The following EXOC4 variants were observed in gnomAD, a reference collection of about 807,000 sequenced individuals.
EXOC4 encodes the protein SEC8-like 1.
EXOC4 carries 71 observed loss-of-function variants against 107.2 expected under a neutral mutation model. That is an observed-to-expected ratio of 0.66 (90% CI 0.55 to 0.81). The LOEUF is 0.81. Among genes scored for constraint, EXOC4 ranks in the 30% least tolerant of loss-of-function variants. The pLI is 0.00. For missense variants in EXOC4, 1,108 were observed against 1,189.6 expected (o/e 0.93, Z 1.01); for synonymous variants, 456 against 441.2 (o/e 1.03, Z -0.42).
intron 11 of EXOC4, among the ~76,000 whole-genome samples, chr7:133,869,066 T>C (rs181454767): frequency 1.3e-5 from 2 of 150,338 alleles, no homozygotes; most frequent in East Asian, 4.0e-4. Flanking sequence ...GCCTTTCTAG[T>C]TACCCTCCCT....
At chr7:133,849,739 C>G (rs1038772596) in intron 11 of EXOC4, among the ~76,000 whole-genome samples, 1 of 152,188 alleles carries the variant, frequency 6.6e-6, no homozygotes, top group African/African-American at 2.4e-5. Context: ...TGTTTGCTCA[C>G]CATTGTATCT....
At chr7:133,966,921 C>G (rs1801084241) in intron 14 of EXOC4, among the ~76,000 whole-genome samples, 1 of 152,014 alleles carries the variant, frequency 6.6e-6, no homozygotes, top group Admixed American at 6.5e-5. Context: ...CTTTTTGTAC[C>G]TCTGGTGGAA....
At chr7:133,328,312 T>C (rs563330314) in intron 5 of EXOC4, among the ~76,000 whole-genome samples, 1 of 152,264 alleles carries the variant, frequency 6.6e-6, no homozygotes, top group South Asian at 2.1e-4. Flanking sequence ...TATTTGAGCC[T>C]ATGTGTGTCT....
chr7:133,855,269 T>G (rs1281704485), intron 11 of EXOC4, among the ~76,000 whole-genome samples: 3 of 150,416 alleles, frequency 2.0e-5, no homozygotes, highest in African/African-American at 7.4e-5. Flanking sequence ...TCAGTCCTCC[T>G]GAACCAACCT....
the EXOC4 span, among the ~76,000 whole-genome samples, chr7:134,079,341 T>C: frequency 6.6e-6 from 1 of 152,206 alleles, no homozygotes; most frequent in African/African-American, 2.4e-5. Flanking sequence ...GAGTTCTGCA[T>C]GCATTCTGGG....
At chr7:133,486,620 A>T (rs1410795338) in intron 9 of EXOC4, among the ~76,000 whole-genome samples, 1 of 152,204 alleles carries the variant, frequency 6.6e-6, no homozygotes, top group Non-Finnish European at 1.5e-5. Flanking sequence ...TGCAGGGAAC[A>T]TGAAAAAAAG....
At chr7:133,487,028 A>C (rs2150869723) in intron 9 of EXOC4, among the ~76,000 whole-genome samples, 1 of 152,324 alleles carries the variant, frequency 6.6e-6, no homozygotes, top group Non-Finnish European at 1.5e-5. Context: ...AATATTCTTT[A>C]GTTATGGATT....
At chr7:133,547,311 A>G (rs1281437470) in intron 9 of EXOC4, among the ~76,000 whole-genome samples, 1 of 152,214 alleles carries the variant, frequency 6.6e-6, no homozygotes, top group Non-Finnish European at 1.5e-5. Flanking sequence ...TTGATAAAAA[A>G]TACTGATGAT....
chr7:133,876,221 GGTGT>G (rs10605200), intron 11 of EXOC4, among the ~76,000 whole-genome samples: 3,366 of 146,932 alleles, frequency 0.023, 52 homozygotes, highest in African/African-American at 0.045. Context: ...AGAATGAAGA[GGTGT>G]GTGTGTGTGT....
intron 17 of EXOC4, among the ~76,000 whole-genome samples, chr7:134,043,350 C>T (rs540400993): frequency 4.9e-4 from 74 of 152,206 alleles, no homozygotes; most frequent in African/African-American, 1.7e-3. Context: ...TTTTTTCCCC[C>T]AAGCAACTAT....
At chr7:134,084,398 A>G in the EXOC4 span, among the ~76,000 whole-genome samples, 2 of 152,202 alleles carry the variant, frequency 1.3e-5, no homozygotes, top group African/African-American at 2.4e-5. Context: ...GGAGTGGCCA[A>G]AAGTGAGAAG....
intron 14 of EXOC4, among the ~76,000 whole-genome samples, chr7:133,974,522 A>G (rs1793783954): frequency 6.6e-6 from 1 of 152,176 alleles, no homozygotes; most frequent in Non-Finnish European, 1.5e-5. Flanking sequence ...TAGTAATATT[A>G]TTTGATCGGT....
At chr7:133,892,819 A>T (rs1360454297) in intron 11 of EXOC4, among the ~76,000 whole-genome samples, 1 of 144,690 alleles carries the variant, frequency 6.9e-6, no homozygotes, top group Non-Finnish European at 1.5e-5. Context: ...GTTCTTTTAC[A>T]TTTGCTGAGG....
intron 7 of EXOC4, among the ~76,000 whole-genome samples, chr7:133,392,254 C>T (rs1796869950): frequency 1.3e-5 from 2 of 152,078 alleles, no homozygotes; most frequent in Non-Finnish European, 1.5e-5. Context: ...TGTTCACCTG[C>T]TGTGATTAGG....
chr7:133,436,029 G>T (rs1265356355), intron 7 of EXOC4, among the ~76,000 whole-genome samples: 1 of 146,488 alleles, frequency 6.8e-6, no homozygotes, highest in East Asian at 2.0e-4. Flanking sequence ...CAGGGGGAAA[G>T]AATTTGAATT....
At chr7:133,938,177 A>G (rs1800348155) in intron 14 of EXOC4, 108 bp downstream of exon 14, 2 of 1,040,266 alleles carry the variant, frequency 1.9e-6, no homozygotes, top group African/African-American at 1.6e-5. Context: ...GCGTGTCCCA[A>G]GCTGTCAGAA....
chr7:133,712,533 C>T (rs1021206833), intron 10 of EXOC4, among the ~76,000 whole-genome samples: 4 of 147,490 alleles, frequency 2.7e-5, no homozygotes, highest in Non-Finnish European at 5.9e-5. Flanking sequence ...TGCATGATGG[C>T]AGGTTTGGCC....
chr7:133,731,461 T>C (rs901694390), intron 10 of EXOC4, among the ~76,000 whole-genome samples: 4 of 151,838 alleles, frequency 2.6e-5, no homozygotes, highest in African/African-American at 9.7e-5. Flanking sequence ...TACTGGGATA[T>C]GAAAAAAAAA....
intron 9 of EXOC4, among the ~76,000 whole-genome samples, chr7:133,521,921 A>T (rs1486139062): frequency 2.0e-5 from 3 of 151,416 alleles, no homozygotes; most frequent in Non-Finnish European, 2.9e-5. Flanking sequence ...GCCCGGCCCC[A>T]TTTCAGTTCT....
Sources: allele counts gnomAD v4.1 joint callset (sites outside exome capture counted in the v4.1 genomes callset), GRCh38; gene constraint gnomAD v4.1.1; transcripts MANE v1.5; gene names NCBI Gene and HGNC (gene_info 2026-07-23, HGNC 2026-07-21).